Variants in KCNJ8 observed in about 807,000 individuals in gnomAD.
KCNJ8 encodes the protein ATP-sensitive inward rectifier potassium channel 8.
In KCNJ8, 13 loss-of-function variants were observed where a neutral mutation model predicts 28.2. That is an observed-to-expected ratio of 0.46 (90% CI 0.30 to 0.73). KCNJ8 has a LOEUF of 0.73. Among genes scored for constraint, KCNJ8 ranks in the 30% least tolerant of loss-of-function variants. The probability of loss-of-function intolerance (pLI) is 0.07; values close to 1 mark genes in which losing one functional copy is unlikely to be tolerated. For missense variants in KCNJ8, 284 were observed against 542.6 expected (o/e 0.52, Z 4.73); for synonymous variants, 188 against 195.9 (o/e 0.96, Z 0.34).
At position 21,773,729 on chromosome 12, in the gene KCNJ8, T is replaced by C; in HGVS notation, c.-70-43A>G. 1.4e-6 allele frequency: 2 copies of C among 1,407,686 alleles called. No homozygotes were observed. The highest frequency in any genetic ancestry group is 2.0e-6 in the Non-Finnish European group (2 of 1,009,056). 87.2% of individuals were successfully genotyped at this position (1,407,686 alleles called of 1,614,324 possible). A position where few individuals can be genotyped will look rare whatever the true frequency, so the allele number is the denominator to read the frequency against. On this transcript the variant is annotated intron_variant, in intron 1 of 2. Coordinates refer to ENST00000240662, the MANE Select transcript of KCNJ8 (RefSeq NM_004982.4). The surrounding 1 kb of genome is among the most constrained non-coding windows in gnomAD (Gnocchi z 4.6). ...TTATTAAAAACTTAAAAACCCACCC[T>C]ATCCTCACCTCTTGGGTCCTTGTAT...
chr12:21,770,262 A>G (rs955952088), intron 2 of KCNJ8, among the ~76,000 whole-genome samples: 7 of 152,168 alleles, frequency 4.6e-5, no homozygotes, highest in Admixed American at 6.6e-5. Context: ...TCAGATGAAC[A>G]TTAGCATTTT....
At chr12:21,769,998 G>A (rs937207364) in intron 2 of KCNJ8, among the ~76,000 whole-genome samples, 5 of 152,224 alleles carry the variant, frequency 3.3e-5, no homozygotes, top group African/African-American at 1.2e-4. Flanking sequence ...AGCAGTGGCA[G>A]GTTTTGAGAA....
In KCNJ8 at chr12:21,773,618, G is replaced by T; in HGVS notation, c.-2C>A. 1 of 1,612,148 alleles carries T rather than the reference G, an allele frequency of 6.2e-7. No individual in the cohort carries two copies. ...GATGATACTCTTTCTGGCCAACATCGTCCTGTCACCATAGCCAGCTTAGCC... is the reference window on the plus strand; with the variant it reads ...GATGATACTCTTTCTGGCCAACATCTTCCTGTCACCATAGCCAGCTTAGCC... On this transcript the variant is annotated 5_prime_UTR_variant, in exon 2 of 3. Coordinates refer to ENST00000240662, the MANE Select transcript of KCNJ8 (RefSeq NM_004982.4). The surrounding 1 kb of genome is among the most constrained non-coding windows in gnomAD (Gnocchi z 4.6).
At chr12:21,770,462 G>A (rs1940732306) in intron 2 of KCNJ8, among the ~76,000 whole-genome samples, 1 of 152,082 alleles carries the variant, frequency 6.6e-6, no homozygotes. Flanking sequence ...ATATCTCTAA[G>A]GTATACCTGT....
intron 2 of KCNJ8, among the ~76,000 whole-genome samples, chr12:21,768,526 T>C (rs551638683): frequency 2.0e-5 from 3 of 152,338 alleles, no homozygotes; most frequent in South Asian, 4.1e-4. Flanking sequence ...AAAGGAAATA[T>C]TCGCTGTCTC....
chr12:21,770,868 T>TGAGAG (rs1940741507), intron 2 of KCNJ8, among the ~76,000 whole-genome samples: 2 of 152,250 alleles, frequency 1.3e-5, no homozygotes, highest in South Asian at 4.1e-4. Context: ...AAGTATTACC[T>TGAGAG]ATTTATTAAT....
Position 21,765,862 on chromosome 12 carries a change from G to T in KCNJ8, c.1136C>A (p.Ser379Tyr). The T allele has an allele frequency of 6.2e-7, 1 of 1,614,196 alleles. No individual in the cohort carries two copies. Residue 379 changes from serine to tyrosine, a missense_variant, in exon 3 of 3, where the codon TCT becomes TAT. This residue lies in a region of KCNJ8 where 50 missense variants were observed against 55.9 expected (regional missense o/e 0.90). Transcript: ENST00000240662. Reference protein sequence around the residue: ...LQKSELSHQNSLRKRNSMRRN... With the variant: ...LQKSELSHQNYLRKRNSMRRN... ...TCTCATGGAGTTGCGCTTCCTCAGA[G>T]AATTTTGATGAGACAGTTCACTCTT...
rs1480512495 is a variant in KCNJ8 at position 21,774,603 on chromosome 12, G to A, written c.-128C>T. 2 of 152,260 alleles carry A rather than the reference G, an allele frequency of 1.3e-5. No homozygotes were observed. Among genetic ancestry groups the A allele is most frequent in the Non-Finnish European group, 2.9e-5 (2 of 68,084 alleles). The allele number at this position is 152,260 out of a possible 1,614,324, so 9.4% of individuals were successfully genotyped here. A position where few individuals can be genotyped will look rare whatever the true frequency, so the allele number is the denominator to read the frequency against. Reference sequence around the variant, plus strand: ...TCCTTGCACACGCCGGCGGGCCGCGGGCAGGTCCCTCGCTCTCCCATGCTG... The same window carrying A: ...TCCTTGCACACGCCGGCGGGCCGCGAGCAGGTCCCTCGCTCTCCCATGCTG... On this transcript the variant is annotated 5_prime_UTR_variant, in exon 1 of 3. Transcript: ENST00000240662.
At chr12:21,771,844 T>C (rs1322311505) in intron 2 of KCNJ8, among the ~76,000 whole-genome samples, 1 of 152,228 alleles carries the variant, frequency 6.6e-6, no homozygotes, top group Non-Finnish European at 1.5e-5. Flanking sequence ...TCTTAGAGTA[T>C]CTATTGAACG....
chr12:21,769,887 A>G (rs895364136), intron 2 of KCNJ8, among the ~76,000 whole-genome samples: 1 of 152,238 alleles, frequency 6.6e-6, no homozygotes, highest in African/African-American at 2.4e-5. Context: ...CAAGCAACCA[A>G]AGTGGTTTCT....
intron 2 of KCNJ8, among the ~76,000 whole-genome samples, chr12:21,772,703 A>C (rs16924303): frequency 6.6e-6 from 1 of 152,200 alleles, no homozygotes; most frequent in Non-Finnish European, 1.5e-5. Context: ...TGTTATGATA[A>C]TCTCGATAAA....
rs1450527273 is a variant in KCNJ8 at position 21,765,734 on chromosome 12, A to C, written c.1264T>G (p.Ser422Ala). The C allele has an allele frequency of 3.1e-6, 5 of 1,614,006 alleles. No individual in the cohort carries two copies. Among genetic ancestry groups the C allele is most frequent in the Non-Finnish European group, 4.2e-6 (5 of 1,179,888 alleles). The change falls in exon 3 of 3, where the codon TCG (serine) becomes GCG (alanine). Residue 422 changes from serine (S) to alanine (A), a missense_variant. Physicochemically the swap from Ser to Ala is moderately conservative, Grantham distance 99. Coordinates refer to ENST00000240662, the MANE Select transcript of KCNJ8 (RefSeq NM_004982.4). ...FMTPEGNQNT[S>A]ES is the part of the protein sequence containing the mutation. Reference sequence around the variant, plus strand: ...GGGTTATCTTGCTGTCATGATTCCGATGTGTTTTGATTTCCTTCTGGAGTC... The same window carrying C: ...GGGTTATCTTGCTGTCATGATTCCGCTGTGTTTTGATTTCCTTCTGGAGTC...
rs1940855039 is a variant in KCNJ8 at position 21,774,702 on chromosome 12, A to G, written c.-227T>C. The G allele has an allele frequency of 6.6e-6, 1 of 152,164 alleles. No homozygotes were observed. The highest frequency in any genetic ancestry group is 2.4e-5 in the African/African-American group (1 of 41,420). The allele number at this position is 152,164 out of a possible 1,614,324, so 9.4% of individuals were successfully genotyped here. A position where few individuals can be genotyped will look rare whatever the true frequency, so the allele number is the denominator to read the frequency against. On this transcript the variant is annotated 5_prime_UTR_variant, in exon 1 of 3. Coordinates refer to ENST00000240662, the MANE Select transcript of KCNJ8 (RefSeq NM_004982.4). ...GCGTGTCCTAAGGAGAAGAGTTAAA[A>G]TAATAAAAGGTGCAACTGAATCTAA...
chr12:21,769,899 G>A (rs1940718309), intron 2 of KCNJ8, among the ~76,000 whole-genome samples: 1 of 152,184 alleles, frequency 6.6e-6, no homozygotes. Flanking sequence ...GTGGTTTCTT[G>A]AGATGGAATC....
intron 2 of KCNJ8, among the ~76,000 whole-genome samples, chr12:21,767,308 A>ACCCCCCC (rs757720164): frequency 5.2e-4 from 28 of 53,716 alleles, no homozygotes; most frequent in East Asian, 6.1e-4. Flanking sequence ...GGGGTCCCCA[A>ACCCCCCC]CCCCCCCCCC....
chr12:21,766,832 A>T lies in KCNJ8; in HGVS notation c.375-209T>A. On this transcript the variant is annotated intron_variant, in intron 2 of 2. Coordinates refer to ENST00000240662, the MANE Select transcript of KCNJ8 (RefSeq NM_004982.4). The surrounding 1 kb of genome is among the most constrained non-coding windows in gnomAD (Gnocchi z 6.5). ...CATGCATCTACCTCCAGACTTCTGG[A>T]GATTAACATTCTATTAATTAAGTTC... 1.7e-6 allele frequency: 1 copy of T among 595,880 alleles called. No individual in the cohort carries two copies. The highest frequency in any genetic ancestry group is 1.9e-5 in the African/African-American group (1 of 53,932). The allele number at this position is 595,880 out of a possible 1,614,324, so 36.9% of individuals were successfully genotyped here. A position where few individuals can be genotyped will look rare whatever the true frequency, so the allele number is the denominator to read the frequency against.
intron 2 of KCNJ8, among the ~76,000 whole-genome samples, chr12:21,767,743 T>G (rs1940665672): frequency 6.6e-6 from 1 of 152,196 alleles, no homozygotes; most frequent in Non-Finnish European, 1.5e-5. Context: ...CATACAGATA[T>G]GCCTTATTTT....
Position 21,765,558 on chromosome 12 carries a change from T to C in KCNJ8, c.*165A>G. ...GCCATGAATCCTCCACTTGGTGTGT[T>C]ACTTTTTATTACTACAGAAAGTGCT... On this transcript the variant is annotated 3_prime_UTR_variant, in exon 3 of 3. Transcript: ENST00000240662. 1.5e-6 allele frequency: 1 copy of C among 680,094 alleles called. No homozygotes were observed. The highest frequency in any genetic ancestry group is 2.6e-6 in the Non-Finnish European group (1 of 380,996). The allele number at this position is 680,094 out of a possible 1,614,324, so 42.1% of individuals were successfully genotyped here.
In KCNJ8 at chr12:21,766,927, T is replaced by C. The variant is rs1002223710; in HGVS notation, c.375-304A>G. The stretch of plus-strand genomic sequence containing the variant: ...ATAGGTCACATAGTGATGGGCCTAA[T>C]TTGTGTAAAAGATTAATATATTTTC... On this transcript the variant is annotated intron_variant, in intron 2 of 2. Coordinates refer to ENST00000240662, the MANE Select transcript of KCNJ8 (RefSeq NM_004982.4). This position sits in a 1 kb window ranked among gnomAD's most constrained non-coding sequence, Gnocchi z 6.5. 7.9e-5 allele frequency among the ~76,000 whole-genome samples: 12 copies of C among 152,232 alleles called. No homozygotes were observed. The highest frequency in any genetic ancestry group is 1.5e-4 in the Non-Finnish European group (10 of 68,036).
Sources: gnomAD v4.1 joint callset for allele counts (sites outside exome capture counted in the v4.1 genomes callset) on GRCh38, gnomAD v4.1.1 for gene constraint, gnomAD v4.1.1 regional missense constraint, Gnocchi (gnomAD v3.1) non-coding constraint, MANE v1.5 for transcripts, NCBI Gene and HGNC (gene_info 2026-07-23, HGNC 2026-07-21) for gene names.